Variants in RBFOX1 observed in about 807,000 individuals in gnomAD.
The protein encoded by RBFOX1 is RNA binding protein fox-1 homolog 1.
Under a neutral mutation model 57.7 loss-of-function variants are expected in RBFOX1, and 8 were observed. The observed-to-expected ratio is 0.14, with a 90% CI of 0.08 to 0.25. RBFOX1 has a LOEUF of 0.25. Among genes scored for constraint, RBFOX1 ranks in the 10% least tolerant of loss-of-function variants. The probability of loss-of-function intolerance (pLI) is 1.00; values close to 1 mark genes in which losing one functional copy is unlikely to be tolerated. For missense variants in RBFOX1, 611 were observed against 548.5 expected, an observed-to-expected ratio of 1.11 and a Z score of -1.14; for synonymous variants, 326 against 222.4, an observed-to-expected ratio of 1.47 and a Z score of -4.15.
At chr16:5,716,972 A>G (rs959680379) in intron 3 of RBFOX1, among the ~76,000 whole-genome samples, 21 of 152,194 alleles carry the variant, frequency 1.4e-4, no homozygotes, top group Admixed American at 9.8e-4. Context: ...CAGGATAATG[A>G]GTTCAAGGTT....
chr16:6,706,316 A>G (rs2062735629), intron 3 of RBFOX1, among the ~76,000 whole-genome samples: 1 of 152,194 alleles, frequency 6.6e-6, no homozygotes, highest in Non-Finnish European at 1.5e-5. Context: ...TACGAGGAGA[A>G]AATGGAGTCA....
chr16:6,758,339 A>G lies in RBFOX1; in HGVS notation c.-16+103689A>G, dbSNP rs561644566. On this transcript the variant is annotated intron_variant, in intron 3 of 15. Transcript: ENST00000550418. ...CCCCCAAGCATATGTAAACCACGAC[A>G]TAATAGATTTATCAAAGTAGCAGAA... Among the ~76,000 whole-genome samples, 31 of 152,290 alleles carry G rather than the reference A, an allele frequency of 2.0e-4. 1 individual carries two copies. The South Asian group carries it at 5.8e-3, about 28-fold the overall frequency.
At chr16:6,101,221 C>T (rs1182531314) in intron 1 of RBFOX1, among the ~76,000 whole-genome samples, 2 of 152,190 alleles carry the variant, frequency 1.3e-5, no homozygotes, top group East Asian at 1.9e-4. Flanking sequence ...CACTCTCTCA[C>T]TTTCCCCTTC....
At chr16:7,121,939 A>T (rs148708779) in intron 4 of RBFOX1, among the ~76,000 whole-genome samples, 4 of 122,222 alleles carry the variant, frequency 3.3e-5, no homozygotes, top group Admixed American at 1.8e-4. Flanking sequence ...TTTTGTTTTC[A>T]ACAACTGGTG....
At chr16:7,329,078 G>A (rs765916086) in intron 4 of RBFOX1, among the ~76,000 whole-genome samples, 1 of 152,210 alleles carries the variant, frequency 6.6e-6, no homozygotes, top group African/African-American at 2.4e-5. Flanking sequence ...GTCAACGGAT[G>A]CTTTTTCACG....
chr16:5,810,340 G>A (rs1005417600), intron 3 of RBFOX1, among the ~76,000 whole-genome samples: 2 of 152,016 alleles, frequency 1.3e-5, no homozygotes, highest in African/African-American at 2.4e-5. Context: ...ATTAAAAAAA[G>A]ATATAAGAAT....
At chr16:5,240,133 G>T in intron 1 of RBFOX1, 3 of 1,395,882 alleles carry the variant, frequency 2.1e-6, no homozygotes, top group Non-Finnish European at 2.9e-6. Context: ...GGGGGTCCGG[G>T]GGTGCCGGGG....
intron 3 of RBFOX1, among the ~76,000 whole-genome samples, chr16:5,809,810 C>A (rs1273543541): frequency 6.6e-6 from 1 of 152,130 alleles, no homozygotes; most frequent in Non-Finnish European, 1.5e-5. Flanking sequence ...TTTGACCCAG[C>A]CATCCCATTA....
Position 5,748,917 on chromosome 16 carries a change from T to C in RBFOX1, c.319-118386T>C, listed in dbSNP as rs180721238. Among the ~76,000 whole-genome samples the C allele has an allele frequency of 9.5e-4, 145 of 152,342 alleles. 1 individual carries two copies. Among genetic ancestry groups the C allele is most frequent in the Admixed American group, 6.6e-3 (101 of 15,312 alleles). ...TGTGAATTTGTTCCTGTCATTATGA[T>C]GTTAGCTGGTTATTTTGCTCGTTAA... On this transcript the variant is annotated intron_variant, in intron 3 of 19. Transcript: ENST00000641259.
In RBFOX1 at chr16:7,251,421, T is replaced by TTC. The variant is rs747728642; in HGVS notation, c.27+199323_27+199324insTC. On this transcript the variant is annotated intron_variant, in intron 4 of 15. Transcript: ENST00000550418. Reference sequence around the variant, plus strand: ...CTTCTGTCCGTTTTTTTTTTTTTTTTCTGTGGGGGATGGAGTTTTGTTCTT... The same window carrying TTC: ...CTTCTGTCCGTTTTTTTTTTTTTTTTTCCTGTGGGGGATGGAGTTTTGTTCTT... Among the ~76,000 whole-genome samples the TTC allele has an allele frequency of 1.3e-3, 192 of 148,764 alleles. 3 individuals are homozygous for TTC. In the South Asian group the frequency reaches 0.017, roughly 14 times the overall value.
chr16:6,867,810 C>T (rs997453108), intron 3 of RBFOX1, among the ~76,000 whole-genome samples: 2 of 152,284 alleles, frequency 1.3e-5, no homozygotes, highest in African/African-American at 2.4e-5. Context: ...TCCTGTTTAT[C>T]CCTTGATCCT....
intron 5 of RBFOX1, among the ~76,000 whole-genome samples, chr16:7,533,240 A>G (rs2152396095): frequency 6.6e-6 from 1 of 152,358 alleles, no homozygotes; most frequent in Middle Eastern, 3.4e-3. Flanking sequence ...CTGATGAATT[A>G]CATTTTAAAA....
intron 3 of RBFOX1, among the ~76,000 whole-genome samples, chr16:6,949,327 G>C (rs755197816): frequency 1.3e-5 from 2 of 152,154 alleles, no homozygotes; most frequent in African/African-American, 2.4e-5. Context: ...TTCAATCTTC[G>C]CTCACCTTTT....
chr16:7,449,828 G>A (rs1358968336), intron 4 of RBFOX1, among the ~76,000 whole-genome samples: 1 of 151,896 alleles, frequency 6.6e-6, no homozygotes, highest in Non-Finnish European at 1.5e-5. Flanking sequence ...ACCTTCACAG[G>A]GTAAAGTGTT....
chr16:5,767,354 A>G (rs1420938152), intron 3 of RBFOX1, among the ~76,000 whole-genome samples: 1 of 152,268 alleles, frequency 6.6e-6, no homozygotes, highest in Non-Finnish European at 1.5e-5. Flanking sequence ...GATGCTGCCC[A>G]GAGGACCTCC....
chr16:6,451,292 A>T (rs551527310), intron 2 of RBFOX1, among the ~76,000 whole-genome samples: 1 of 152,136 alleles, frequency 6.6e-6, no homozygotes, highest in African/African-American at 2.4e-5. Context: ...ACTAATAATT[A>T]TGGAAGTATC....
chr16:6,033,052 G>A (rs915812708), intron 1 of RBFOX1, among the ~76,000 whole-genome samples: 4 of 152,120 alleles, frequency 2.6e-5, no homozygotes, highest in Admixed American at 6.5e-5. Context: ...TGGCCTTGTC[G>A]TTTGTCATCT....
At chr16:6,526,545 A>T (rs1481063887) in intron 2 of RBFOX1, among the ~76,000 whole-genome samples, 1 of 152,036 alleles carries the variant, frequency 6.6e-6, no homozygotes, top group Admixed American at 6.6e-5. Context: ...AAATACCCTA[A>T]GAGGGCCAGG....
At chr16:5,348,015 C>A (rs1447486496) in intron 1 of RBFOX1, among the ~76,000 whole-genome samples, 1 of 146,200 alleles carries the variant, frequency 6.8e-6, no homozygotes, top group African/African-American at 2.5e-5. Flanking sequence ...ATCCATCCAT[C>A]CCCCCACCTA....
Sources: gnomAD v4.1 joint callset for allele counts (sites outside exome capture counted in the v4.1 genomes callset) on GRCh38, gnomAD v4.1.1 for gene constraint, MANE v1.5 for transcripts, NCBI Gene and HGNC (gene_info 2026-07-23, HGNC 2026-07-21) for gene names.